Variants in PODXL observed in about 807,000 individuals in gnomAD.
The protein encoded by PODXL is podocalyxin.
A neutral mutation model predicts 48.9 loss-of-function variants in PODXL; 20 were observed. That is an observed-to-expected ratio of 0.41 (90% CI 0.29 to 0.59). PODXL has a LOEUF of 0.59. Among genes scored for constraint, PODXL ranks in the 20% least tolerant of loss-of-function variants. The pLI, the probability that PODXL is intolerant of heterozygous loss-of-function variation, is 0.31. For missense variants in PODXL, 606 were observed against 675.1 expected, an observed-to-expected ratio of 0.90 and a Z score of 1.13; for synonymous variants, 295 against 287.4, an observed-to-expected ratio of 1.03 and a Z score of -0.27.
At chr7:131,526,470 C>A (rs543436403) in intron 1 of PODXL, among the ~76,000 whole-genome samples, 30 of 146,838 alleles carry the variant, frequency 2.0e-4, no homozygotes, top group Non-Finnish European at 4.2e-4. Flanking sequence ...CTTAAGAAAA[C>A]AACCCAATAG....
intron 1 of PODXL, among the ~76,000 whole-genome samples, chr7:131,512,644 C>A (rs1033944943): frequency 6.6e-6 from 1 of 152,038 alleles, no homozygotes; most frequent in Non-Finnish European, 1.5e-5. Context: ...AGCAACTGAG[C>A]GTCCAAACCA....
intron 1 of PODXL, among the ~76,000 whole-genome samples, chr7:131,538,505 C>T (rs1308388533): frequency 6.6e-6 from 1 of 152,182 alleles, no homozygotes; most frequent in Non-Finnish European, 1.5e-5. Flanking sequence ...GGCGGAACCC[C>T]ACCCCTACCC....
chr7:131,525,955 T>G (rs1456078378), intron 1 of PODXL, among the ~76,000 whole-genome samples: 1 of 152,120 alleles, frequency 6.6e-6, no homozygotes, highest in African/African-American at 2.4e-5. Flanking sequence ...AATAGACAAA[T>G]AGATGACAGA....
At chr7:131,507,817 G>A (rs968364390) in intron 5 of PODXL, among the ~76,000 whole-genome samples, 1 of 152,186 alleles carries the variant, frequency 6.6e-6, no homozygotes, top group Admixed American at 6.5e-5. Flanking sequence ...CCAGCCCTAG[G>A]AGAGCACTGC....
chr7:131,514,675 A>G (rs1169944431), intron 1 of PODXL, among the ~76,000 whole-genome samples: 1 of 152,030 alleles, frequency 6.6e-6, no homozygotes, highest in Non-Finnish European at 1.5e-5. Flanking sequence ...TGGCACAATC[A>G]GGACTCACTA....
intron 1 of PODXL, among the ~76,000 whole-genome samples, chr7:131,546,273 G>A (rs1465387): frequency 0.47 from 71,579 of 151,952 alleles, 17,773 homozygotes; most frequent in East Asian, 0.69. Flanking sequence ...CCAGGGCTAG[G>A]AGGGAGTGTA....
intron 1 of PODXL, among the ~76,000 whole-genome samples, chr7:131,551,917 A>G (rs1311638409): frequency 6.9e-6 from 1 of 145,142 alleles, no homozygotes; most frequent in Non-Finnish European, 1.5e-5. Context: ...AGCCTGGGTG[A>G]CAGAACGAGA....
In PODXL at chr7:131,510,335, GAAAAAAAAAAAAA is replaced by G. The variant is rs56367324; in HGVS notation, c.707-17_707-5del. 13 of 80,100 alleles carry G rather than the reference GAAAAAAAAAAAAA, an allele frequency of 1.6e-4. No homozygotes were observed. The highest frequency in any genetic ancestry group is 6.3e-4 in the East Asian group (1 of 1,590). 5.0% of individuals were successfully genotyped at this position (80,100 alleles called of 1,614,324 possible). On this transcript the variant is annotated splice_region_variant and splice_polypyrimidine_tract_variant and intron_variant, in intron 2 of 8. Coordinates refer to ENST00000378555, the MANE Select transcript of PODXL (RefSeq NM_001018111.3). Reference sequence around the variant, plus strand: ...ACATGGTGAAACACTGTCTCTACTTGAAAAAAAAAAAAAAAAAAAAAAAAAAATTAGCTGGTGT... The same window carrying G: ...ACATGGTGAAACACTGTCTCTACTTGAAAAAAAAAAAAAATTAGCTGGTGT...
At position 131,556,524 on chromosome 7, in the gene PODXL, C is replaced by CCGCAGGGAGGCT. The variant is rs2116881720; in HGVS notation, c.-166_-165insAGCCTCCCTGCG. On this transcript the variant is annotated 5_prime_UTR_variant, in exon 1 of 9. Transcript: ENST00000378555. ...AGTCGCGCTGCGGCGGCTCTTCCTC[C>CCGCAGGGAGGCT]CTGCCGCTGCAGCAGAGCCGGGCTG... The CCGCAGGGAGGCT allele has an allele frequency of 1.3e-6, 1 of 797,938 alleles. No homozygotes were observed. The highest frequency in any genetic ancestry group is 3.6e-5 in the East Asian group (1 of 27,958). The allele number at this position is 797,938 out of a possible 1,614,324, so 49.4% of individuals were successfully genotyped here.
intron 1 of PODXL, among the ~76,000 whole-genome samples, chr7:131,522,682 A>G (rs1798109764): frequency 7.0e-6 from 1 of 142,722 alleles, no homozygotes. Flanking sequence ...AAAGCCACAC[A>G]GTAGGCAGCC....
At chr7:131,538,002 C>T (rs976124652) in intron 1 of PODXL, among the ~76,000 whole-genome samples, 3 of 152,194 alleles carry the variant, frequency 2.0e-5, no homozygotes, top group Non-Finnish European at 4.4e-5. Flanking sequence ...CAGTTTAGGG[C>T]CATTGTGAAT....
At position 131,510,993 on chromosome 7, in the gene PODXL, G is replaced by C; in HGVS notation, c.541C>G (p.Pro181Ala). Reference protein sequence around the residue: ...TSTKAEHLTTPHPTSPLSPRQ... With the variant: ...TSTKAEHLTTAHPTSPLSPRQ... ...GGGCTAAGTGGACTTGTAGGGTGAG[G>C]GGTCGTCAGATGTTCTGCCTTAGTG... The change falls in exon 2 of 9, where the codon CCT (proline) becomes GCT (alanine). Residue 181 changes from proline to alanine, a missense_variant. Coordinates refer to ENST00000378555, the MANE Select transcript of PODXL (RefSeq NM_001018111.3). 6.2e-7 allele frequency: 1 copy of C among 1,614,134 alleles called. No individual in the cohort carries two copies. The highest frequency in any genetic ancestry group is 8.5e-7 in the Non-Finnish European group (1 of 1,180,004).
At chr7:131,512,303 GCAGAGACTAACCACCTGGA>G (rs1797926861) in intron 1 of PODXL, among the ~76,000 whole-genome samples, 1 of 152,122 alleles carries the variant, frequency 6.6e-6, no homozygotes, top group Non-Finnish European at 1.5e-5. Context: ...TGGTGGGGAG[GCAGAGACTAACCACCTGGA>G]CAGAGCAGCC....
Position 131,538,700 on chromosome 7 carries a change from C to CCT in PODXL, c.100+17558_100+17559dup, listed in dbSNP as rs1033795629. Among the ~76,000 whole-genome samples, 101 of 152,244 alleles carry CCT rather than the reference C, an allele frequency of 6.6e-4. 1 individual carries two copies. The highest frequency in any genetic ancestry group is 3.4e-3 in the Middle Eastern group (1 of 294). On this transcript the variant is annotated intron_variant, in intron 1 of 8. Transcript: ENST00000378555. ...CAGCCCACCCCTGCCCGCTCTGGTTCCTCTCCCTCTCAACTGCTCCCCACT... is the reference window on the plus strand; with the variant it reads ...CAGCCCACCCCTGCCCGCTCTGGTTCCTCTCTCCCTCTCAACTGCTCCCCACT...
At chr7:131,549,046 A>G (rs967929032) in intron 1 of PODXL, among the ~76,000 whole-genome samples, 1 of 152,234 alleles carries the variant, frequency 6.6e-6, no homozygotes, top group Admixed American at 6.5e-5. Context: ...CCCTCATGGA[A>G]CTTACAGTCT....
chr7:131,506,130 G>T (rs1406197013), intron 7 of PODXL, 95 bp from the exon 8 acceptor site: 3 of 1,550,134 alleles, frequency 1.9e-6, no homozygotes, highest in Admixed American at 1.7e-5. Context: ...GTCTGCTAGG[G>T]TCCGTGCCGC....
At chr7:131,505,156 G>C (rs1003733299) in intron 8 of PODXL, among the ~76,000 whole-genome samples, 7 of 152,202 alleles carry the variant, frequency 4.6e-5, no homozygotes, top group African/African-American at 1.7e-4. Flanking sequence ...GGTCTGGGTG[G>C]CACCATCATG....
chr7:131,509,194 A>T, intron 4 of PODXL, 166 bp from the exon 5 acceptor site: 2 of 803,678 alleles, frequency 2.5e-6, no homozygotes, highest in Non-Finnish European at 4.2e-6. Flanking sequence ...GCTTGAGGGC[A>T]GCTCAAGCCA....
intron 1 of PODXL, among the ~76,000 whole-genome samples, chr7:131,540,498 G>A (rs973275991): frequency 1.3e-5 from 2 of 151,454 alleles, no homozygotes; most frequent in African/African-American, 2.4e-5. Context: ...GGTCTGCACC[G>A]ACCCGCACCC....
Sources: allele counts gnomAD v4.1 joint callset (sites outside exome capture counted in the v4.1 genomes callset), GRCh38; gene constraint gnomAD v4.1.1; transcripts MANE v1.5; gene names NCBI Gene and HGNC (gene_info 2026-07-23, HGNC 2026-07-21).